The following FBXO16 variants were observed in gnomAD, a reference collection of about 807,000 sequenced individuals.
The protein encoded by FBXO16 is F-box only protein 16.
Under a neutral mutation model 41.0 loss-of-function variants are expected in FBXO16, and 31 were observed. The ratio of observed to expected loss-of-function variants is 0.76; its 90% CI spans 0.57 to 1.02. The LOEUF (loss-of-function observed/expected upper bound fraction) is 1.02, where lower values mean the gene tolerates loss of function less well. Ranked by LOEUF, FBXO16 falls within the 50% of genes least tolerant of loss-of-function variation. The pLI, the probability that FBXO16 is intolerant of heterozygous loss-of-function variation, is 0.00. For synonymous variants in FBXO16, 133 were observed against 117.8 expected, an observed-to-expected ratio of 1.13 and a Z score of -0.84; for missense variants, 361 against 346.2, an observed-to-expected ratio of 1.04 and a Z score of -0.34.
intron 1 of FBXO16, among the ~76,000 whole-genome samples, chr8:28,487,321 C>T (rs1803617563): frequency 6.6e-6 from 1 of 151,728 alleles, no homozygotes; most frequent in Admixed American, 6.6e-5. Flanking sequence ...TTCCAGAAGA[C>T]AGGCAGCGTG....
intron 6 of FBXO16, among the ~76,000 whole-genome samples, chr8:28,448,340 C>CAAAAAAAAAAAAAAAAAAAAAAAAA (rs56323338): frequency 6.0e-5 from 3 of 49,908 alleles, no homozygotes; most frequent in Non-Finnish European, 8.3e-5. Flanking sequence ...GACCCTAAAT[C>CAAAAAAAAAAAAAAAAAAAAAAAAA]AAAAAAAAAA....
At chr8:28,468,409 G>A (rs1803279501) in intron 3 of FBXO16, among the ~76,000 whole-genome samples, 1 of 152,184 alleles carries the variant, frequency 6.6e-6, no homozygotes, top group African/African-American at 2.4e-5. Flanking sequence ...AAAGAGGGTG[G>A]GAGGGGGATA....
At chr8:28,475,519 T>G (rs1803409625) in intron 2 of FBXO16, among the ~76,000 whole-genome samples, 1 of 152,228 alleles carries the variant, frequency 6.6e-6, no homozygotes, top group African/African-American at 2.4e-5. Flanking sequence ...ATTCAAAGTA[T>G]CTGGATTCAA....
rs1323299780 is a variant in FBXO16, at chr8:28,483,454, C to T, written c.-8G>A. 1 of 1,608,664 alleles carries T rather than the reference C, an allele frequency of 6.2e-7. No homozygotes were observed. The highest frequency in any genetic ancestry group is 1.7e-5 in the Admixed American group (1 of 59,356). ...AGGTGCAAATGCCATCATGAAACAA[C>T]TGGATATCCTTCCATAAGAAAAACA... On this transcript the variant is annotated 5_prime_UTR_variant, in exon 2 of 9. Coordinates refer to ENST00000380254, the MANE Select transcript of FBXO16 (RefSeq NM_172366.4).
At chr8:28,487,374 C>A (rs13248834) in intron 1 of FBXO16, among the ~76,000 whole-genome samples, 1 of 150,432 alleles carries the variant, frequency 6.6e-6, no homozygotes, top group Admixed American at 6.6e-5. Context: ...AGACCATTTG[C>A]TACTATTAAG....
intron 7 of FBXO16, among the ~76,000 whole-genome samples, chr8:28,430,499 G>A (rs1802590136): frequency 6.6e-6 from 1 of 152,042 alleles, no homozygotes; most frequent in African/African-American, 2.4e-5. Context: ...TGTTAGCATC[G>A]AAAAGGAAAA....
intron 3 of FBXO16, among the ~76,000 whole-genome samples, chr8:28,472,779 A>G (rs1014747234): frequency 2.0e-5 from 3 of 152,174 alleles, no homozygotes; most frequent in Non-Finnish European, 4.4e-5. Flanking sequence ...CTCTATCACC[A>G]TATTTCTCCT....
At chr8:28,487,731 G>A (rs1303237125) in intron 1 of FBXO16, among the ~76,000 whole-genome samples, 2 of 151,764 alleles carry the variant, frequency 1.3e-5, no homozygotes, top group African/African-American at 2.4e-5. Context: ...AAACATAATT[G>A]TCCCCACTTA....
At chr8:28,435,426 G>A (rs1275981051) in intron 7 of FBXO16, among the ~76,000 whole-genome samples, 1 of 151,968 alleles carries the variant, frequency 6.6e-6, no homozygotes. Context: ...TGCCCACCTC[G>A]GCCTCCCAAA....
intron 7 of FBXO16, among the ~76,000 whole-genome samples, chr8:28,442,149 AG>A (rs1356419241): frequency 6.6e-6 from 1 of 151,928 alleles, no homozygotes; most frequent in Admixed American, 6.6e-5. Context: ...CACGTTGGCC[AG>A]GCCGGTCTCA....
chr8:28,441,946 A>G (rs201487014), intron 7 of FBXO16, among the ~76,000 whole-genome samples: 5,341 of 72,192 alleles, frequency 0.074, 148 homozygotes, highest in African/African-American at 0.13. Flanking sequence ...GTGTGTGTGT[A>G]TTTTTTTTTT....
intron 7 of FBXO16, among the ~76,000 whole-genome samples, chr8:28,446,572 T>TA (rs541905098): frequency 1.4e-3 from 217 of 151,224 alleles, no homozygotes; most frequent in African/African-American, 4.3e-3. Context: ...GAACCACTGA[T>TA]AAAAAAATAC....
rs184678232 is a variant in FBXO16, at chr8:28,444,031, G to C, written c.843+3140C>G. 3.3e-5 allele frequency among the ~76,000 whole-genome samples: 5 copies of C among 152,152 alleles called. No individual in the cohort carries two copies. In the East Asian group the frequency reaches 7.7e-4, roughly 24 times the overall value. On this transcript the variant is annotated intron_variant, in intron 7 of 8. Coordinates refer to ENST00000380254, the MANE Select transcript of FBXO16 (RefSeq NM_172366.4). ...AGTAGCCATTCTTTTATTTCTTTAG[G>C]TTCTTAATAAACTTGCTTTCACTGT...
intron 7 of FBXO16, among the ~76,000 whole-genome samples, chr8:28,444,292 A>G (rs1585895738): frequency 6.8e-6 from 1 of 146,994 alleles, no homozygotes; most frequent in Non-Finnish European, 1.5e-5. Context: ...CCTCACATCC[A>G]ATATTTCTTC....
intron 3 of FBXO16, among the ~76,000 whole-genome samples, chr8:28,466,765 T>A (rs1020684522): frequency 2.6e-5 from 4 of 151,996 alleles, no homozygotes; most frequent in African/African-American, 9.7e-5. Flanking sequence ...AGTTGGAAAG[T>A]TGGCTTGACG....
chr8:28,452,256 G>C lies in FBXO16; in HGVS notation c.728C>G (p.Thr243Ser). The C allele has an allele frequency of 6.2e-7, 1 of 1,614,140 alleles. No individual in the cohort carries two copies. The highest frequency in any genetic ancestry group is 1.1e-5 in the South Asian group (1 of 91,080). ...NYLDNRDPME[T>S]VQQGRRKRNQ... ...TGGAGCTTCTTACCCTTGCTGGACA[G>C]TCTCCATGGGGTCACGGTTGTCTAG... The change falls in exon 6 of 9, where the codon ACT (threonine) becomes AGT (serine). Residue 243 changes from threonine (T) to serine (S), a missense_variant. Coordinates refer to ENST00000380254, the MANE Select transcript of FBXO16 (RefSeq NM_172366.4).
chr8:28,438,654 A>G (rs924184), intron 7 of FBXO16, among the ~76,000 whole-genome samples: 74,836 of 152,080 alleles, frequency 0.49, 19,807 homozygotes, highest in South Asian at 0.68. Context: ...CAATTCAGTG[A>G]CGTTCGTTAG....
At chr8:28,440,840 A>G (rs1193560567) in intron 7 of FBXO16, among the ~76,000 whole-genome samples, 1 of 152,218 alleles carries the variant, frequency 6.6e-6, no homozygotes, top group Non-Finnish European at 1.5e-5. Flanking sequence ...AAGTGAGGAC[A>G]TCTAACTCCC....
At chr8:28,471,169 A>G (rs1345809760) in intron 3 of FBXO16, among the ~76,000 whole-genome samples, 1 of 152,180 alleles carries the variant, frequency 6.6e-6, no homozygotes, top group Non-Finnish European at 1.5e-5. Context: ...AGTTTCTCTT[A>G]ATTATTTTAT....
Sources: gnomAD v4.1 joint callset for allele counts (sites outside exome capture counted in the v4.1 genomes callset) on GRCh38, gnomAD v4.1.1 for gene constraint, MANE v1.5 for transcripts, NCBI Gene and HGNC (gene_info 2026-07-23, HGNC 2026-07-21) for gene names.